GALNT7: variants seen among roughly 807,000 people sequenced by gnomAD.
GALNT7 encodes the protein polypeptide N-acetylgalactosaminyltransferase 7, also known as N-acetylgalactosaminyltransferase 7.
Under a neutral mutation model 82.1 loss-of-function variants are expected in GALNT7, and 60 were observed. The ratio of observed to expected loss-of-function variants is 0.73; its 90% CI spans 0.59 to 0.91. GALNT7 has a LOEUF of 0.91. Ranked by LOEUF, GALNT7 falls within the 40% of genes least tolerant of loss-of-function variation. The pLI, the probability that GALNT7 is intolerant of heterozygous loss-of-function variation, is 0.00. For synonymous variants in GALNT7, 243 were observed against 275.1 expected (o/e 0.88, Z 1.15); for missense variants, 660 against 804.2 (o/e 0.82, Z 2.17).
At chr4:173,295,711 A>G (rs1156285085) in intron 4 of GALNT7, 53 bp from the exon 5 acceptor site, 2 of 1,206,122 alleles carry the variant, frequency 1.7e-6, no homozygotes, top group African/African-American at 3.0e-5. Context: ...TGTGTGTAAT[A>G]TATGATGTAA....
At chr4:173,234,850 A>G (rs377218503) in intron 1 of GALNT7, among the ~76,000 whole-genome samples, 1 of 152,184 alleles carries the variant, frequency 6.6e-6, no homozygotes, top group South Asian at 2.1e-4. Flanking sequence ...TTCTCTCTGT[A>G]TCTTGCTCCC....
chr4:173,227,794 CTG>C (rs146334578), intron 1 of GALNT7, among the ~76,000 whole-genome samples: 1,935 of 152,214 alleles, frequency 0.013, 35 homozygotes, highest in East Asian at 0.063. Context: ...TCACTGCATT[CTG>C]TGTTTTTTGC....
intron 4 of GALNT7, 73 bp from the exon 5 acceptor site, chr4:173,295,691 A>G (rs41278619): frequency 1.1e-5 from 13 of 1,140,222 alleles, no homozygotes; most frequent in Non-Finnish European, 1.6e-5. Flanking sequence ...ATTAGCATCT[A>G]ATTTTAAATT....
chr4:173,294,420 T>C (rs1736647484), intron 3 of GALNT7, among the ~76,000 whole-genome samples: 1 of 152,128 alleles, frequency 6.6e-6, no homozygotes, highest in South Asian at 2.1e-4. Flanking sequence ...GATACCCACG[T>C]GTATCTTACT....
intron 1 of GALNT7, among the ~76,000 whole-genome samples, chr4:173,201,586 T>C (rs1021808750): frequency 6.6e-6 from 1 of 152,240 alleles, no homozygotes; most frequent in Non-Finnish European, 1.5e-5. Context: ...AGTAAGTCAT[T>C]TTCGGTTTAC....
intron 1 of GALNT7, among the ~76,000 whole-genome samples, chr4:173,191,985 T>C (rs1284033989): frequency 6.6e-6 from 1 of 152,204 alleles, no homozygotes; most frequent in Non-Finnish European, 1.5e-5. Context: ...GACACTAACA[T>C]TGTATGTTAA....
chr4:173,173,612 AGT>A (rs1474994836), intron 1 of GALNT7, among the ~76,000 whole-genome samples: 1 of 152,096 alleles, frequency 6.6e-6, no homozygotes, highest in Non-Finnish European at 1.5e-5. Context: ...TCTCATAAGG[AGT>A]GTGCAACCCG....
intron 2 of GALNT7, among the ~76,000 whole-genome samples, chr4:173,251,875 T>G (rs1298192881): frequency 6.6e-6 from 1 of 152,240 alleles, no homozygotes; most frequent in Non-Finnish European, 1.5e-5. Flanking sequence ...AAGTCATTTT[T>G]TAATATTTCA....
chr4:173,254,455 A>T (rs1734954507), intron 2 of GALNT7, among the ~76,000 whole-genome samples: 1 of 152,188 alleles, frequency 6.6e-6, no homozygotes, highest in African/African-American at 2.4e-5. Flanking sequence ...CATTGATTTA[A>T]TTGGAATGCT....
chr4:173,309,885 A>G (rs1737313443), intron 8 of GALNT7, among the ~76,000 whole-genome samples: 1 of 142,620 alleles, frequency 7.0e-6, no homozygotes, highest in Admixed American at 6.7e-5. Flanking sequence ...GTTGGACTCA[A>G]CAATCACGAA....
intron 2 of GALNT7, among the ~76,000 whole-genome samples, chr4:173,263,751 A>G (rs998489430): frequency 4.6e-5 from 7 of 152,234 alleles, no homozygotes; most frequent in African/African-American, 1.7e-4. Context: ...TTATTATAAT[A>G]TCAGTATTTT....
At chr4:173,271,054 A>G (rs1420537145) in intron 2 of GALNT7, among the ~76,000 whole-genome samples, 1 of 152,248 alleles carries the variant, frequency 6.6e-6, no homozygotes, top group Non-Finnish European at 1.5e-5. Context: ...TCAAAATGAG[A>G]ATGGGTATAA....
Position 173,188,691 on chromosome 4 carries a change from C to G in GALNT7, c.126+19730C>G, listed in dbSNP as rs548096518. ...CGCTGAATTCTGCCTTGAGGCCTTC[C>G]TTTCATGTTCATGTGCAGCATGGTA... On this transcript the variant is annotated intron_variant, in intron 1 of 11. Coordinates refer to ENST00000265000, the MANE Select transcript of GALNT7 (RefSeq NM_017423.3). Among the ~76,000 whole-genome samples, 138 of 152,296 alleles carry G rather than the reference C, an allele frequency of 9.1e-4. 1 individual carries two copies. The highest frequency in any genetic ancestry group is 1.2e-3 in the Non-Finnish European group (83 of 68,032).
chr4:173,206,833 C>G (rs1733114851), intron 1 of GALNT7, among the ~76,000 whole-genome samples: 1 of 152,128 alleles, frequency 6.6e-6, no homozygotes, highest in African/African-American at 2.4e-5. Flanking sequence ...TGGAGTGGTT[C>G]CAGATTTACC....
rs200795825 is a variant in GALNT7, at chr4:173,298,173, C to A, written c.1024C>A (p.Pro342Thr). 8 of 1,613,784 alleles carry A rather than the reference C, an allele frequency of 5.0e-6. No individual in the cohort carries two copies. Among genetic ancestry groups the A allele is most frequent in the Non-Finnish European group, 5.9e-6 (7 of 1,179,850 alleles). ...VINGNTYEII[P>T]QGGGDEDGYA... ...AAATGGCAACACATATGAAATTATA[C>A]CCCAAGGGGGTGGTGATGAAGATGG... The change falls in exon 6 of 12, where the codon CCC (proline) becomes ACC (threonine). Residue 342 changes from proline to threonine, a missense_variant. Transcript: ENST00000265000.
At chr4:173,303,833 T>C (rs1021913800) in intron 7 of GALNT7, among the ~76,000 whole-genome samples, 163 bp from the exon 8 acceptor site, 1 of 152,250 alleles carries the variant, frequency 6.6e-6, no homozygotes, top group Non-Finnish European at 1.5e-5. Flanking sequence ...GGTTGTTACA[T>C]GAGCTTTTAA....
In GALNT7 at chr4:173,265,818, CT is replaced by C. The variant is rs770846797; in HGVS notation, c.587+17380del. On this transcript the variant is annotated intron_variant, in intron 2 of 11. Transcript: ENST00000265000. ...TCTAGCGCTTTGCTTTCATCTCAGTCTTCAAATGGCCCAGATAAACTGCTTA... is the reference window on the plus strand; with the variant it reads ...TCTAGCGCTTTGCTTTCATCTCAGTCTCAAATGGCCCAGATAAACTGCTTA... 2.3e-3 allele frequency among the ~76,000 whole-genome samples: 350 copies of C among 152,098 alleles called. 5 individuals are homozygous for C. Among genetic ancestry groups the C allele is most frequent in the Non-Finnish European group, 1.9e-3 (128 of 68,004 alleles).
intron 2 of GALNT7, among the ~76,000 whole-genome samples, chr4:173,279,372 G>A (rs1043216739): frequency 1.3e-5 from 2 of 152,130 alleles, no homozygotes; most frequent in South Asian, 4.1e-4. Context: ...TTCTAAACAT[G>A]AGAAATCCGC....
intron 1 of GALNT7, among the ~76,000 whole-genome samples, chr4:173,192,150 T>G (rs545539277): frequency 1.2e-4 from 18 of 152,266 alleles, no homozygotes; most frequent in African/African-American, 3.9e-4. Context: ...AGAAAACACA[T>G]ATTTAAAGGG....
Sources: gnomAD v4.1 joint callset for allele counts (sites outside exome capture counted in the v4.1 genomes callset) on GRCh38, gnomAD v4.1.1 for gene constraint, MANE v1.5 for transcripts, NCBI Gene and HGNC (gene_info 2026-07-23, HGNC 2026-07-21) for gene names.